The following GOLGA3 variants were observed in gnomAD, a reference collection of about 807,000 sequenced individuals.
The protein encoded by GOLGA3 is golgin subfamily A member 3.
A neutral mutation model predicts 169.4 loss-of-function variants in GOLGA3; 75 were observed. The observed-to-expected ratio is 0.44, with a 90% CI of 0.37 to 0.54. The LOEUF (loss-of-function observed/expected upper bound fraction) is 0.54. GOLGA3 is among the 20% of genes least tolerant of loss of function. GOLGA3 has a pLI of 0.00. For synonymous variants in GOLGA3, 824 were observed against 822.4 expected, an observed-to-expected ratio of 1.00 and a Z score of -0.03; for missense variants, 1,899 against 1,930.0, an observed-to-expected ratio of 0.98 and a Z score of 0.30.
At chr12:132,774,574 A>T (rs1330136869) in intron 22 of GOLGA3, 2 of 555,706 alleles carry the variant, frequency 3.6e-6, no homozygotes, top group Admixed American at 3.3e-5. Context: ...GGTCTGCGGC[A>T]GGACGGGGCC....
rs1949304195 is a variant in GOLGA3, at chr12:132,804,709, G to A, written c.1597+7C>T. On this transcript the variant is annotated splice_region_variant and intron_variant, in intron 7 of 23. Transcript: ENST00000450791. The surrounding 1 kb of genome is among the most constrained non-coding windows in gnomAD (Gnocchi z 4.1). ...GGAGGGGAGGGCGTGGCCAGGGCCA[G>A]CCTCACCTGTGTTGTCCTTGCTGAG... 1 of 1,605,248 alleles carries A rather than the reference G, an allele frequency of 6.2e-7. No individual in the cohort carries two copies. The highest frequency in any genetic ancestry group is 8.5e-7 in the Non-Finnish European group (1 of 1,173,470).
At chr12:132,784,637 CAT>C (rs1347022919) in intron 15 of GOLGA3, among the ~76,000 whole-genome samples, 2 of 152,126 alleles carry the variant, frequency 1.3e-5, no homozygotes, top group African/African-American at 2.4e-5. Context: ...ATACCACACA[CAT>C]GCTCACGCAC....
At chr12:132,812,998 G>C (rs1949789797) in intron 4 of GOLGA3, among the ~76,000 whole-genome samples, 1 of 152,220 alleles carries the variant, frequency 6.6e-6, no homozygotes, top group African/African-American at 2.4e-5. Flanking sequence ...TGCACACTTA[G>C]TAAACTACAG....
Position 132,801,828 on chromosome 12 carries a change from T to A in GOLGA3, c.1739A>T (p.Gln580Leu), listed in dbSNP as rs1312803264. 6 of 1,609,952 alleles carry A rather than the reference T, an allele frequency of 3.7e-6. No homozygotes were observed. Among genetic ancestry groups the A allele is most frequent in the Non-Finnish European group, 5.1e-6 (6 of 1,180,006 alleles). Reference protein sequence around the residue: ...SLQSVRQWYQQQLALAQEARV... With the variant: ...SLQSVRQWYQLQLALAQEARV... ...GGCCTCCTGTGCCAGGGCGAGCTGC[T>A]GCTGGTACCACTGCCGGACACTCTG... The change falls in exon 8 of 24, where the codon CAG becomes CTG. Residue 580 changes from glutamine to leucine, a missense_variant. Gln to Leu is a moderately radical substitution (Grantham distance 113). Transcript: ENST00000450791.
In GOLGA3 at chr12:132,807,245, G is replaced by C. The variant is rs761298912; in HGVS notation, c.1222C>G (p.Leu408Val). The change falls in exon 6 of 24, where the codon CTG becomes GTG. Residue 408 changes from leucine (L) to valine (V), a missense_variant. Physicochemically the swap from Leu to Val is conservative, Grantham distance 32. Coordinates refer to ENST00000450791, the MANE Select transcript of GOLGA3 (RefSeq NM_001389683.1). Reference sequence around the variant, plus strand: ...CGCATTTTCTCTTTGAGCACCTGCAGCATCTCCTCCTGTGTTTCTGCTGCA... The same window carrying C: ...CGCATTTTCTCTTTGAGCACCTGCACCATCTCCTCCTGTGTTTCTGCTGCA... ...SSAAETQEEM[L>V]QVLKEKMRLE... 2.5e-6 allele frequency: 4 copies of C among 1,599,258 alleles called. No individual in the cohort carries two copies. Among genetic ancestry groups the C allele is most frequent in the Non-Finnish European group, 3.4e-6 (4 of 1,171,910 alleles).
intron 22 of GOLGA3, 173 bp downstream of exon 22, chr12:132,774,968 C>G: frequency 1.7e-6 from 1 of 584,540 alleles, no homozygotes; most frequent in South Asian, 2.1e-5. Context: ...TGAATGAAAC[C>G]AGAATGAAAT....
intron 16 of GOLGA3, chr12:132,783,724 C>A: frequency 3.6e-6 from 1 of 280,134 alleles, no homozygotes; most frequent in Admixed American, 5.0e-5. Flanking sequence ...ACTACAGGCA[C>A]CCGCCACCAC....
At chr12:132,794,758 C>A (rs1441300727) in intron 11 of GOLGA3, among the ~76,000 whole-genome samples, 1 of 152,238 alleles carries the variant, frequency 6.6e-6, no homozygotes, top group Non-Finnish European at 1.5e-5. Context: ...TCCCCCAACA[C>A]TGTAAACAGT....
Position 132,798,339 on chromosome 12 carries a change from C to A in GOLGA3, c.1938+1G>T. 6.2e-7 allele frequency: 1 copy of A among 1,607,220 alleles called. No homozygotes were observed. The highest frequency in any genetic ancestry group is 8.5e-7 in the Non-Finnish European group (1 of 1,178,246). On this transcript the variant is annotated splice_donor_variant, in intron 9 of 23. Transcript: ENST00000450791. LOFTEE classifies it high-confidence loss of function. ...TTCCACGGCCCCGGCCGCAGCCTCA[C>A]CTCAATGCCCTGCAGCTGTGCCGCG... is the stretch of plus-strand genomic sequence containing the variant.
Position 132,798,469 on chromosome 12 carries a change from C to G in GOLGA3, c.1809G>C (p.Gln603His), listed in dbSNP as rs756672389. 6.3e-7 allele frequency: 1 copy of G among 1,588,300 alleles called. No individual in the cohort carries two copies. The highest frequency in any genetic ancestry group is 1.9e-5 in the Admixed American group (1 of 51,648). ...GCTCCAGGAGACCTGCCTGGGTCATCTGTCCAACCTTAAAAAAAAAACCCA... is the reference window on the plus strand; with the variant it reads ...GCTCCAGGAGACCTGCCTGGGTCATGTGTCCAACCTTAAAAAAAAAACCCA... ...QGEMAHIQVG[Q>H]MTQAGLLEHL... The change falls in exon 9 of 24, where the codon CAG becomes CAC. Residue 603 changes from glutamine (Q) to histidine (H), a missense_variant. Transcript: ENST00000450791.
rs1001484297 is a variant in GOLGA3 at position 132,777,459 on chromosome 12, T to C, written c.3722+207A>G. On this transcript the variant is annotated intron_variant, in intron 19 of 23. Transcript: ENST00000450791. This position sits in a 1 kb window ranked among gnomAD's most constrained non-coding sequence, Gnocchi z 4.7. Reference sequence around the variant, plus strand: ...AAGCTAAGTACTCCTGCTGGGGCGCTTTCTCTCTTGGGGGGAGGACACGGG... The same window carrying C: ...AAGCTAAGTACTCCTGCTGGGGCGCCTTCTCTCTTGGGGGGAGGACACGGG... Among the ~76,000 whole-genome samples the C allele has an allele frequency of 1.3e-5, 2 of 152,082 alleles. No homozygotes were observed. The highest frequency in any genetic ancestry group is 2.9e-5 in the Non-Finnish European group (2 of 68,014).
At chr12:132,808,966 A>G (rs2136624322) in intron 4 of GOLGA3, among the ~76,000 whole-genome samples, 1 of 152,368 alleles carries the variant, frequency 6.6e-6, no homozygotes, top group South Asian at 2.1e-4. Context: ...CTGGGGGACC[A>G]CTACCACCAA....
chr12:132,809,490 A>G (rs910176731), intron 4 of GOLGA3, among the ~76,000 whole-genome samples: 1 of 124,652 alleles, frequency 8.0e-6, no homozygotes, highest in Non-Finnish European at 1.6e-5. Flanking sequence ...GTTCCTTGAC[A>G]CCTTTTGCTA....
chr12:132,795,527 G>A lies in GOLGA3; in HGVS notation c.2469+325C>T, dbSNP rs566140256. On this transcript the variant is annotated intron_variant, in intron 11 of 23. Coordinates refer to ENST00000450791, the MANE Select transcript of GOLGA3 (RefSeq NM_001389683.1). ...TGTAATCCCAGCACTGTGGGAGACCGAGGCGGGTGGATCACTTGAGGTTAG... is the reference window on the plus strand; with the variant it reads ...TGTAATCCCAGCACTGTGGGAGACCAAGGCGGGTGGATCACTTGAGGTTAG... Among the ~76,000 whole-genome samples, 126 of 152,212 alleles carry A rather than the reference G, an allele frequency of 8.3e-4. 2 individuals are homozygous for A. The highest frequency in any genetic ancestry group is 2.6e-3 in the African/African-American group (109 of 41,502).
Position 132,808,486 on chromosome 12 carries a change from G to A in GOLGA3, c.583C>T (p.Pro195Ser). The A allele has an allele frequency of 6.2e-7, 1 of 1,613,768 alleles. No homozygotes were observed. ...GTACTGGCCCTTGGTAAGTTTTCTG[G>A]GTTTAACATGAGCTCAGGATCAAGC... ...STLDPELMLN[P>S]ENLPRASTLA... Residue 195 changes from proline to serine, a missense_variant, in exon 5 of 24, where the codon CCA (proline) becomes TCA (serine). Pro to Ser is a moderately conservative substitution (Grantham distance 74, BLOSUM62 -1). Transcript: ENST00000450791.
chr12:132,792,998 A>T (rs1210359660), intron 11 of GOLGA3, among the ~76,000 whole-genome samples: 8 of 122,944 alleles, frequency 6.5e-5, no homozygotes, highest in East Asian at 2.7e-4. Context: ...GGCTCCACAC[A>T]GACAGACCGC....
intron 18 of GOLGA3, among the ~76,000 whole-genome samples, chr12:132,779,808 CGT>C (rs749846232): frequency 6.5e-4 from 73 of 111,728 alleles, no homozygotes; most frequent in East Asian, 3.9e-3. Flanking sequence ...CAGGCACACA[CGT>C]GTGTGCACAC....
At chr12:132,811,382 C>T (rs1949701492) in intron 4 of GOLGA3, among the ~76,000 whole-genome samples, 1 of 152,206 alleles carries the variant, frequency 6.6e-6, no homozygotes, top group Admixed American at 6.5e-5. Context: ...GCCATTCTAA[C>T]TTATTTCTCA....
In GOLGA3 at chr12:132,798,421, G is replaced by A. The variant is rs368467010; in HGVS notation, c.1857C>T (p.Ser619=). 5.6e-6 allele frequency: 9 copies of A among 1,613,358 alleles called. No individual in the cohort carries two copies. The highest frequency in any genetic ancestry group is 7.6e-6 in the Non-Finnish European group (9 of 1,179,674). Reference sequence around the variant, plus strand: ...GAGTTTCCGTCAGCTGCTGGGACAGGGACACATTCTCGAGTTTCAGGTGCT... The same window carrying A: ...GAGTTTCCGTCAGCTGCTGGGACAGAGACACATTCTCGAGTTTCAGGTGCT... ...LLEHLKLENV[S]LSQQLTETQH... is the part of the protein sequence containing the mutation. Residue 619 remains serine (S), a synonymous_variant, in exon 9 of 24, where the codon TCC becomes TCT. Coordinates refer to ENST00000450791, the MANE Select transcript of GOLGA3 (RefSeq NM_001389683.1).
Sources: gnomAD v4.1 joint callset for allele counts (sites outside exome capture counted in the v4.1 genomes callset) on GRCh38, gnomAD v4.1.1 for gene constraint, Gnocchi (gnomAD v3.1) non-coding constraint, MANE v1.5 for transcripts, NCBI Gene and HGNC (gene_info 2026-07-23, HGNC 2026-07-21) for gene names.